PDLIM4: variants seen among roughly 807,000 people sequenced by gnomAD.
PDLIM4 encodes PDZ and LIM domain protein 4.
In PDLIM4, 19 loss-of-function variants were observed where a neutral mutation model predicts 31.3. That is an observed-to-expected ratio of 0.61 (90% CI 0.42 to 0.89). The LOEUF (loss-of-function observed/expected upper bound fraction) is 0.89, where lower values mean the gene tolerates loss of function less well. Among genes scored for constraint, PDLIM4 ranks in the 40% least tolerant of loss-of-function variants. The pLI, the probability that PDLIM4 is intolerant of heterozygous loss-of-function variation, is 0.00. For synonymous variants in PDLIM4, 176 were observed against 190.1 expected (o/e 0.93, Z 0.61); for missense variants, 442 against 461.1 (o/e 0.96, Z 0.38).
At chr5:132,264,684 G>C (rs1756450584) in intron 2 of PDLIM4, among the ~76,000 whole-genome samples, 1 of 152,110 alleles carries the variant, frequency 6.6e-6, no homozygotes. Flanking sequence ...CCACCTGCAA[G>C]CTTTCTGACT....
rs538060350 is a variant in PDLIM4 at position 132,270,631 on chromosome 5, C to G, written c.328-284C>G. The G allele has an allele frequency of 3.3e-5, 17 of 517,078 alleles. No homozygotes were observed. In the East Asian group the frequency reaches 5.5e-4, roughly 17 times the overall value. The allele number at this position is 517,078 out of a possible 1,614,324, so 32.0% of individuals were successfully genotyped here. On this transcript the variant is annotated intron_variant, in intron 3 of 6. Transcript: ENST00000253754. ...CCTTCCTGAGTGGTGGTGGGCAGAACCACTGCAGGGCTCACAAGCCCAGGC... is the reference window on the plus strand; with the variant it reads ...CCTTCCTGAGTGGTGGTGGGCAGAAGCACTGCAGGGCTCACAAGCCCAGGC...
chr5:132,261,838 C>G (rs1369035088), intron 1 of PDLIM4, among the ~76,000 whole-genome samples: 1 of 152,156 alleles, frequency 6.6e-6, no homozygotes. Context: ...CCTGGACTTG[C>G]TCAGGGAGGT....
intron 2 of PDLIM4, among the ~76,000 whole-genome samples, chr5:132,265,000 A>G (rs1174710860): frequency 6.6e-6 from 1 of 152,118 alleles, no homozygotes; most frequent in Non-Finnish European, 1.5e-5. Flanking sequence ...CAGGCATCCA[A>G]CAATCCAAGC....
chr5:132,259,382 G>A lies in PDLIM4; in HGVS notation c.93+1555G>A, dbSNP rs144822660. Among the ~76,000 whole-genome samples, 393 of 152,236 alleles carry A rather than the reference G, an allele frequency of 2.6e-3. 3 individuals carry two copies. Among genetic ancestry groups the A allele is most frequent in the African/African-American group, 8.9e-3 (368 of 41,562 alleles). ...AAAGGCCTCCACACGTCACAGCTGC[G>A]GCTGCGGCAGCAGCAGCAGCAACAG... On this transcript the variant is annotated intron_variant, in intron 1 of 6. Transcript: ENST00000253754.
chr5:132,267,015 A>C (rs1308426644), intron 3 of PDLIM4, among the ~76,000 whole-genome samples: 1 of 152,258 alleles, frequency 6.6e-6, no homozygotes, highest in Non-Finnish European at 1.5e-5. Flanking sequence ...TGCTTCTAGC[A>C]GAACTTAGGC....
chr5:132,271,992 C>G, intron 6 of PDLIM4, 33 bp from the exon 7 acceptor site: 1 of 1,608,924 alleles, frequency 6.2e-7, no homozygotes, highest in Non-Finnish European at 8.5e-7. Flanking sequence ...CCATCAGTCA[C>G]TCGACGCTGT....
rs175218 is a variant in PDLIM4 at position 132,271,346 on chromosome 5, G to A, written c.550G>A (p.Val184Ile). The change falls in exon 5 of 7, where the codon GTC becomes ATC. Residue 184 changes from valine (V) to isoleucine (I), a missense_variant. Physicochemically the swap from Val to Ile is conservative, Grantham distance 29. Coordinates refer to ENST00000253754, the MANE Select transcript of PDLIM4 (RefSeq NM_003687.4). Reference protein sequence around the residue: ...RGLPRSRDCRVDLGSEVYRML... With the variant: ...RGLPRSRDCRIDLGSEVYRML... The stretch of plus-strand genomic sequence containing the variant: ...CCTCCCGCGGAGCCGGGACTGCAGA[G>A]TCGACCTGGGCTCCGAGGTGTACAG... The A allele has an allele frequency of 5.0e-4, 804 of 1,602,860 alleles. 5 individuals carry two copies. The African/African-American group carries it at 9.6e-3, about 19-fold the overall frequency.
chr5:132,262,545 G>C lies in PDLIM4; in HGVS notation c.94-64G>C, dbSNP rs553767934. On this transcript the variant is annotated intron_variant, in intron 1 of 6. Transcript: ENST00000253754. ...AGGTTCTGAGGTTGGAGGAGGCCTAGGGCACAGCTTGCAGCAAGACCATAT... is the reference window on the plus strand; with the variant it reads ...AGGTTCTGAGGTTGGAGGAGGCCTACGGCACAGCTTGCAGCAAGACCATAT... The C allele has an allele frequency of 7.6e-6, 11 of 1,452,954 alleles. No homozygotes were observed. In the African/African-American group the frequency reaches 1.4e-4, roughly 19 times the overall value. The allele number at this position is 1,452,954 out of a possible 1,614,324, so 90.0% of individuals were successfully genotyped here.
chr5:132,273,142 C>T lies in PDLIM4; in HGVS notation c.*913C>T, dbSNP rs1756669543. 1 of 152,330 alleles carries T rather than the reference C, an allele frequency of 6.6e-6. No homozygotes were observed. The highest frequency in any genetic ancestry group is 1.5e-5 in the Non-Finnish European group (1 of 68,030). The allele number at this position is 152,330 out of a possible 1,614,324, so 9.4% of individuals were successfully genotyped here. On this transcript the variant is annotated 3_prime_UTR_variant, in exon 7 of 7. Transcript: ENST00000253754. ...TTCATGCCCCGGCTGCACACATCGT[C>T]TGTGAATTGTGGCTGTTCACTCCCG...
At chr5:132,266,367 C>T (rs1449313365) in intron 2 of PDLIM4, 97 bp from the exon 3 acceptor site, 20 of 743,362 alleles carry the variant, frequency 2.7e-5, no homozygotes, top group Non-Finnish European at 4.3e-5. Flanking sequence ...CTTCTACCTG[C>T]AGGGCACAGC....
intron 1 of PDLIM4, among the ~76,000 whole-genome samples, chr5:132,258,128 G>A (rs1308589119): frequency 1.3e-5 from 2 of 152,224 alleles, no homozygotes; most frequent in Admixed American, 6.5e-5. Context: ...GCGGAGATGG[G>A]CCAGGGGTCT....
chr5:132,271,075 A>T lies in PDLIM4; in HGVS notation c.488A>T (p.His163Leu). The T allele has an allele frequency of 6.2e-7, 1 of 1,613,980 alleles. No homozygotes were observed. The highest frequency in any genetic ancestry group is 8.5e-7 in the Non-Finnish European group (1 of 1,179,922). ...CTGCCAGCCCAGATGAGCACCCTGC[A>T]TGTGTCTCCACCCCCCAGGTAGCAC... is the stretch of plus-strand genomic sequence containing the variant. ...ATLPAQMSTL[H>L]VSPPPSADPA... The change falls in exon 4 of 7, where the codon CAT (histidine) becomes CTT (leucine). Residue 163 changes from histidine to leucine, a missense_variant. His to Leu is a moderately conservative substitution (Grantham distance 99). Transcript: ENST00000253754.
intron 2 of PDLIM4, among the ~76,000 whole-genome samples, chr5:132,265,865 C>T (rs1274544567): frequency 6.6e-6 from 1 of 152,224 alleles, no homozygotes; most frequent in Non-Finnish European, 1.5e-5. Context: ...TTTCTCCCTC[C>T]TGAGTGGTGT....
chr5:132,262,722 C>T lies in PDLIM4; in HGVS notation c.207C>T (p.Ile69=). The part of the protein sequence containing the change: ...LMTHLEAQNR[I]KGCHDHLTLS... ...CACACCTGGAGGCACAGAACCGCAT[C>T]AAGGGCTGCCACGATCACCTCACAC... Residue 69 remains isoleucine (I), a synonymous_variant, in exon 2 of 7, where the codon ATC becomes ATT. Coordinates refer to ENST00000253754, the MANE Select transcript of PDLIM4 (RefSeq NM_003687.4). 1 of 1,613,878 alleles carries T rather than the reference C, an allele frequency of 6.2e-7. No homozygotes were observed. Among genetic ancestry groups the T allele is most frequent in the South Asian group, 1.1e-5 (1 of 91,012 alleles).
In PDLIM4 at chr5:132,272,581, G is replaced by A; in HGVS notation, c.*352G>A. On this transcript the variant is annotated 3_prime_UTR_variant, in exon 7 of 7. Coordinates refer to ENST00000253754, the MANE Select transcript of PDLIM4 (RefSeq NM_003687.4). ...CGCGACGACAGGAGGTATGACCTGG[G>A]TGGGGTCAGGGAAAGTCTTAGCTGA... The A allele has an allele frequency of 5.7e-6, 2 of 353,650 alleles. No individual in the cohort carries two copies. The highest frequency in any genetic ancestry group is 1.1e-5 in the Non-Finnish European group (2 of 183,022). 21.9% of individuals were successfully genotyped at this position (353,650 alleles called of 1,614,324 possible).
intron 3 of PDLIM4, among the ~76,000 whole-genome samples, chr5:132,269,108 C>T (rs1756551556): frequency 6.6e-6 from 1 of 151,962 alleles, no homozygotes. Flanking sequence ...AGAGACTTGC[C>T]CAGTTAGGGG....
In PDLIM4 at chr5:132,272,884, G is replaced by C. The variant is rs1423869306; in HGVS notation, c.*655G>C. The C allele has an allele frequency of 6.6e-6, 1 of 152,642 alleles. No individual in the cohort carries two copies. The highest frequency in any genetic ancestry group is 6.5e-5 in the Admixed American group (1 of 15,314). 9.5% of individuals were successfully genotyped at this position (152,642 alleles called of 1,614,324 possible). A position where few individuals can be genotyped will look rare whatever the true frequency, so the allele number is the denominator to read the frequency against. On this transcript the variant is annotated 3_prime_UTR_variant, in exon 7 of 7. Transcript: ENST00000253754. Reference sequence around the variant, plus strand: ...ACCCACGAGCACTTTATTCTCCTCCGAGACCCCCTTTTCTTCCCCTTCCTC... The same window carrying C: ...ACCCACGAGCACTTTATTCTCCTCCCAGACCCCCTTTTCTTCCCCTTCCTC...
chr5:132,268,947 C>T (rs1561522827), intron 3 of PDLIM4, among the ~76,000 whole-genome samples: 2 of 152,142 alleles, frequency 1.3e-5, no homozygotes, highest in Non-Finnish European at 2.9e-5. Flanking sequence ...GACTGGGGGC[C>T]CAGGAATTCC....
chr5:132,262,863 C>T, intron 2 of PDLIM4, 103 bp downstream of exon 2: 1 of 1,131,898 alleles, frequency 8.8e-7, no homozygotes, highest in Non-Finnish European at 1.3e-6. Flanking sequence ...CTCTCTGCCT[C>T]AGCTCCTGGG....
Sources: allele counts gnomAD v4.1 joint callset (sites outside exome capture counted in the v4.1 genomes callset), GRCh38; gene constraint gnomAD v4.1.1; transcripts MANE v1.5; gene names NCBI Gene and HGNC (gene_info 2026-07-23, HGNC 2026-07-21).